TNFRSF19: variants seen among roughly 807,000 people sequenced by gnomAD.
The protein encoded by TNFRSF19 is TNF receptor superfamily member 19, also known as tumor necrosis factor receptor superfamily member 19.
A neutral mutation model predicts 46.4 loss-of-function variants in TNFRSF19; 27 were observed. The ratio of observed to expected loss-of-function variants is 0.58; its 90% CI spans 0.43 to 0.80. TNFRSF19 has a LOEUF of 0.80. TNFRSF19 is among the 30% of genes least tolerant of loss of function. The pLI is 0.00. For synonymous variants in TNFRSF19, 204 were observed against 205.0 expected (o/e 1.00, Z 0.04); for missense variants, 511 against 530.8 (o/e 0.96, Z 0.37).
At chr13:23,581,567 CT>C (rs754838272) in intron 1 of TNFRSF19, among the ~76,000 whole-genome samples, 7 of 151,948 alleles carry the variant, frequency 4.6e-5, no homozygotes, top group Non-Finnish European at 7.4e-5. Context: ...TGATAATAGG[CT>C]TTTTACATAT....
At chr13:23,626,187 CTGTGTG>C (rs35509472) in intron 4 of TNFRSF19, among the ~76,000 whole-genome samples, 13,728 of 145,408 alleles carry the variant, frequency 0.094, 698 homozygotes, top group Middle Eastern at 0.12. Flanking sequence ...TCTTTAAAAT[CTGTGTG>C]TGTGTGTGTG....
chr13:23,673,583 G>C lies in TNFRSF19; in HGVS notation c.*203G>C. ...AAGCTGAAACCTCAATGAATAACAA[G>C]AAAAGACTCCAGGCCGACTCATGAT... On this transcript the variant is annotated 3_prime_UTR_variant, in exon 10 of 10. Coordinates refer to ENST00000248484, the MANE Select transcript of TNFRSF19 (RefSeq NM_148957.4). The C allele has an allele frequency of 8.0e-7, 1 of 1,249,868 alleles. No homozygotes were observed. The allele number at this position is 1,249,868 out of a possible 1,614,324, so 77.4% of individuals were successfully genotyped here. A position where few individuals can be genotyped will look rare whatever the true frequency, so the allele number is the denominator to read the frequency against.
At chr13:23,626,902 T>C (rs1312902944) in intron 5 of TNFRSF19, 110 bp downstream of exon 5, 1 of 995,600 alleles carries the variant, frequency 1.0e-6, no homozygotes, top group Non-Finnish European at 1.5e-6. Flanking sequence ...GTCTCTCCTG[T>C]GGGGTGTACA....
chr13:23,616,163 G>A, intron 4 of TNFRSF19, 118 bp downstream of exon 4: 1 of 1,104,384 alleles, frequency 9.1e-7, no homozygotes, highest in Admixed American at 2.9e-5. Context: ...AGATGCTGGT[G>A]GAGTATTTGT....
At chr13:23,661,218 A>G (rs1372297696) in intron 7 of TNFRSF19, among the ~76,000 whole-genome samples, 1 of 151,990 alleles carries the variant, frequency 6.6e-6, no homozygotes, top group Non-Finnish European at 1.5e-5. Context: ...AGTAGACCCC[A>G]TTGTGTGTTG....
chr13:23,631,693 A>G (rs1379290809), intron 5 of TNFRSF19, among the ~76,000 whole-genome samples: 1 of 152,246 alleles, frequency 6.6e-6, no homozygotes, highest in African/African-American at 2.4e-5. Context: ...TTAAAAGGAA[A>G]TAAATTGGGA....
At chr13:23,595,634 T>C (rs1356709914) in intron 3 of TNFRSF19, among the ~76,000 whole-genome samples, 1 of 152,180 alleles carries the variant, frequency 6.6e-6, no homozygotes, top group Non-Finnish European at 1.5e-5. Context: ...CTACATTTTA[T>C]TGGTGTCCCT....
chr13:23,674,525 G>A lies in TNFRSF19; in HGVS notation c.*1145G>A, dbSNP rs1031912853. ...TAGCCATCCGGTGTTGGATTTAAGAGGACGGTGCTTCTTTCTATTAAAGTG... is the reference window on the plus strand; with the variant it reads ...TAGCCATCCGGTGTTGGATTTAAGAAGACGGTGCTTCTTTCTATTAAAGTG... On this transcript the variant is annotated 3_prime_UTR_variant, in exon 10 of 10. Transcript: ENST00000248484. The A allele has an allele frequency of 6.6e-6, 1 of 152,172 alleles. No homozygotes were observed. Among genetic ancestry groups the A allele is most frequent in the African/African-American group, 2.4e-5 (1 of 41,448 alleles). 9.4% of individuals were successfully genotyped at this position (152,172 alleles called of 1,614,324 possible).
At chr13:23,669,336 C>A in intron 9 of TNFRSF19, 1 of 1,342,236 alleles carries the variant, frequency 7.5e-7, no homozygotes. Context: ...TTTGTAAGTA[C>A]AACCACTTAG....
chr13:23,640,830 A>C (rs1882996908), intron 5 of TNFRSF19, among the ~76,000 whole-genome samples: 1 of 152,228 alleles, frequency 6.6e-6, no homozygotes, highest in Admixed American at 6.5e-5. Flanking sequence ...GGTCCAAGGA[A>C]ATACAGGTTT....
chr13:23,589,779 G>A (rs958493666), intron 1 of TNFRSF19, among the ~76,000 whole-genome samples: 4 of 152,186 alleles, frequency 2.6e-5, no homozygotes, highest in African/African-American at 4.8e-5. Flanking sequence ...TGTTGGCATT[G>A]TCCAAACCCA....
In TNFRSF19 at chr13:23,673,549, A is replaced by G. The variant is rs1207318845; in HGVS notation, c.*169A>G. On this transcript the variant is annotated 3_prime_UTR_variant, in exon 10 of 10. Coordinates refer to ENST00000248484, the MANE Select transcript of TNFRSF19 (RefSeq NM_148957.4). Reference sequence around the variant, plus strand: ...TTTCAGCCAGTTGCTTCTGAGCCAGACCAGCTGTAAGCTGAAACCTCAATG... The same window carrying G: ...TTTCAGCCAGTTGCTTCTGAGCCAGGCCAGCTGTAAGCTGAAACCTCAATG... 1.6e-5 allele frequency: 21 copies of G among 1,287,468 alleles called. No individual in the cohort carries two copies. In the East Asian group the frequency reaches 6.2e-4, roughly 38 times the overall value. The allele number at this position is 1,287,468 out of a possible 1,614,324, so 79.8% of individuals were successfully genotyped here. A position where few individuals can be genotyped will look rare whatever the true frequency, so the allele number is the denominator to read the frequency against.
intron 1 of TNFRSF19, among the ~76,000 whole-genome samples, chr13:23,587,488 C>G (rs990265086): frequency 2.0e-5 from 3 of 152,190 alleles, no homozygotes; most frequent in Non-Finnish European, 4.4e-5. Context: ...AGTCCTGCCT[C>G]CTTTCAGGCA....
intron 5 of TNFRSF19, among the ~76,000 whole-genome samples, chr13:23,628,907 A>C (rs181152277): frequency 1.6e-4 from 24 of 152,318 alleles, no homozygotes; most frequent in Admixed American, 7.8e-4. Context: ...TAACAAAGCA[A>C]GACAGGCTGG....
chr13:23,637,615 C>T (rs572482328), intron 5 of TNFRSF19, among the ~76,000 whole-genome samples: 2 of 152,342 alleles, frequency 1.3e-5, no homozygotes, highest in East Asian at 3.9e-4. Context: ...ATTTTCTTTT[C>T]AGTCTAGACT....
chr13:23,656,296 C>T (rs1000080530), intron 5 of TNFRSF19, among the ~76,000 whole-genome samples: 5 of 152,116 alleles, frequency 3.3e-5, no homozygotes, highest in African/African-American at 1.2e-4. Flanking sequence ...TATGTGTTAA[C>T]AAGACACGTT....
intron 1 of TNFRSF19, among the ~76,000 whole-genome samples, chr13:23,573,676 A>T (rs926045555): frequency 6.6e-6 from 1 of 152,214 alleles, no homozygotes; most frequent in Non-Finnish European, 1.5e-5. Flanking sequence ...TGTGCATTTC[A>T]AACATGATAT....
At chr13:23,640,252 A>G (rs928519276) in intron 5 of TNFRSF19, among the ~76,000 whole-genome samples, 3 of 152,162 alleles carry the variant, frequency 2.0e-5, no homozygotes, top group African/African-American at 7.2e-5. Context: ...CCAAGTAGAG[A>G]CTTGGTGACT....
chr13:23,671,861 AAAAAT>A (rs1460881949), intron 9 of TNFRSF19, among the ~76,000 whole-genome samples: 1 of 152,012 alleles, frequency 6.6e-6, no homozygotes, highest in African/African-American at 2.4e-5. Flanking sequence ...CTGTCTCTTA[AAAAAT>A]AAAATAAAAT....
Sources: gnomAD v4.1 joint callset for allele counts (sites outside exome capture counted in the v4.1 genomes callset) on GRCh38, gnomAD v4.1.1 for gene constraint, MANE v1.5 for transcripts, NCBI Gene and HGNC (gene_info 2026-07-23, HGNC 2026-07-21) for gene names.